The following TAFA5 variants were observed in gnomAD, a reference collection of about 807,000 sequenced individuals.
TAFA5 encodes chemokine-like protein TAFA-5.
In TAFA5, 6 loss-of-function variants were observed where a neutral mutation model predicts 15.3. That is an observed-to-expected ratio of 0.39 (90% CI 0.21 to 0.77). The LOEUF (loss-of-function observed/expected upper bound fraction) is 0.77. TAFA5 is among the 30% of genes least tolerant of loss of function. TAFA5 has a pLI of 0.41. For missense variants in TAFA5, 161 were observed against 193.1 expected, an observed-to-expected ratio of 0.83 and a Z score of 0.98; for synonymous variants, 103 against 80.7, an observed-to-expected ratio of 1.28 and a Z score of -1.48.
At chr22:48,642,705 C>T (rs1400631110) in intron 1 of TAFA5, among the ~76,000 whole-genome samples, 1 of 152,048 alleles carries the variant, frequency 6.6e-6, no homozygotes, top group Non-Finnish European at 1.5e-5. Context: ...CGTGGTCTTT[C>T]TGTGTGATAT....
At chr22:48,720,062 G>T (rs1451732915) in intron 3 of TAFA5, among the ~76,000 whole-genome samples, 1 of 152,186 alleles carries the variant, frequency 6.6e-6, no homozygotes, top group Non-Finnish European at 1.5e-5. Context: ...TCTTTGAATC[G>T]TTTTAAATAC....
At chr22:48,672,128 G>A (rs894914435) in intron 2 of TAFA5, among the ~76,000 whole-genome samples, 1 of 152,206 alleles carries the variant, frequency 6.6e-6, no homozygotes, top group Admixed American at 6.5e-5. Context: ...TTTTCATCTC[G>A]AAGTTTCCTT....
chr22:48,625,536 G>A (rs951016807), intron 1 of TAFA5, among the ~76,000 whole-genome samples: 1 of 152,180 alleles, frequency 6.6e-6, no homozygotes, highest in Admixed American at 6.5e-5. Flanking sequence ...CAGTGCTTAC[G>A]ATCAGGTCCT....
chr22:48,594,238 C>G (rs946166429), intron 1 of TAFA5, among the ~76,000 whole-genome samples: 1 of 152,278 alleles, frequency 6.6e-6, no homozygotes, highest in East Asian at 1.9e-4. Flanking sequence ...CAGCGAGGCT[C>G]GAGGACTGCA....
At chr22:48,682,483 C>T (rs1336161491) in intron 2 of TAFA5, among the ~76,000 whole-genome samples, 2 of 152,212 alleles carry the variant, frequency 1.3e-5, no homozygotes, top group Non-Finnish European at 2.9e-5. Context: ...CCCCACGTCC[C>T]ACAGGACCAG....
Position 48,543,164 on chromosome 22 carries a change from C to T in TAFA5, c.112+53460C>T, listed in dbSNP as rs531558514. 1.1e-4 allele frequency among the ~76,000 whole-genome samples: 17 copies of T among 152,112 alleles called. No homozygotes were observed. In the South Asian group the frequency reaches 3.1e-3, roughly 28 times the overall value. The stretch of plus-strand genomic sequence containing the variant: ...GCGTCTCTGAACATCTCCTGGGGAG[C>T]CGGGGGTCGTTTGTCTCCTCCAGCC... On this transcript the variant is annotated intron_variant, in intron 1 of 3. Transcript: ENST00000402357.
intron 1 of TAFA5, among the ~76,000 whole-genome samples, chr22:48,493,536 G>C (rs372679694): frequency 6.6e-6 from 1 of 152,316 alleles, no homozygotes; most frequent in African/African-American, 2.4e-5. Flanking sequence ...TGGAGTTCTC[G>C]AAGAGGTAAA....
intron 2 of TAFA5, among the ~76,000 whole-genome samples, chr22:48,682,495 C>CT (rs1928224335): frequency 6.6e-6 from 1 of 152,226 alleles, no homozygotes; most frequent in African/African-American, 2.4e-5. Flanking sequence ...CAGGACCAGG[C>CT]TGAGGCTGAA....
At chr22:48,668,307 T>C (rs1187473477) in intron 2 of TAFA5, among the ~76,000 whole-genome samples, 10 of 10,908 alleles carry the variant, frequency 9.2e-4, no homozygotes, top group Admixed American at 2.9e-3. Context: ...TCACTGGGAG[T>C]GTTAATCCCC....
At chr22:48,587,941 C>G (rs1317734783) in intron 1 of TAFA5, among the ~76,000 whole-genome samples, 1 of 152,228 alleles carries the variant, frequency 6.6e-6, no homozygotes, top group Non-Finnish European at 1.5e-5. Flanking sequence ...CTGTCTCAGT[C>G]CCCGCACTTT....
At position 48,702,662 on chromosome 22, in the gene TAFA5, G is replaced by C. The variant is rs116849736; in HGVS notation, c.263-5055G>C. 5.1e-3 allele frequency among the ~76,000 whole-genome samples: 783 copies of C among 152,296 alleles called. 8 individuals carry two copies. The highest frequency in any genetic ancestry group is 0.045 in the East Asian group (235 of 5,180). ...CCACGTTTCAGTCACCGTCACTCAC[G>C]CTACCTCAGGAAGCTCTGTCAGCCC... is the stretch of plus-strand genomic sequence containing the variant. On this transcript the variant is annotated intron_variant, in intron 2 of 3. Transcript: ENST00000402357.
chr22:48,727,686 A>C (rs1929752350), intron 3 of TAFA5, among the ~76,000 whole-genome samples: 1 of 152,248 alleles, frequency 6.6e-6, no homozygotes, highest in African/African-American at 2.4e-5. Context: ...AAAATAGCCA[A>C]ACGTGTTGTC....
At chr22:48,666,258 C>A (rs11913562) in intron 2 of TAFA5, among the ~76,000 whole-genome samples, 31,388 of 152,072 alleles carry the variant, frequency 0.21, 3,262 homozygotes, top group South Asian at 0.26. Flanking sequence ...GAAATGCCAG[C>A]TATTATCCCA....
intron 2 of TAFA5, among the ~76,000 whole-genome samples, chr22:48,703,938 T>A (rs1306577578): frequency 6.6e-6 from 1 of 152,176 alleles, no homozygotes; most frequent in East Asian, 1.9e-4. Flanking sequence ...GTTGAAGGGC[T>A]CACTTCACCT....
At chr22:48,706,304 TTCGGAACAGTGAGGACCCCGAGGAAC>T (rs1385300116) in intron 2 of TAFA5, among the ~76,000 whole-genome samples, 36 of 152,310 alleles carry the variant, frequency 2.4e-4, no homozygotes, top group East Asian at 5.8e-4. Context: ...CAAGCCTCTA[TTCGGAACAGTGAGGACCCCGAGGAAC>T]TCGGAACAGT....
At chr22:48,536,337 A>G (rs1452559679) in intron 1 of TAFA5, among the ~76,000 whole-genome samples, 1 of 152,354 alleles carries the variant, frequency 6.6e-6, no homozygotes, top group East Asian at 1.9e-4. Flanking sequence ...AAGCCGGGAA[A>G]CAAGTGGATG....
intron 3 of TAFA5, among the ~76,000 whole-genome samples, chr22:48,728,061 T>A (rs1929761856): frequency 6.6e-6 from 1 of 152,240 alleles, no homozygotes. Flanking sequence ...ATAGATCTTT[T>A]GAATACTACA....
intron 1 of TAFA5, among the ~76,000 whole-genome samples, chr22:48,528,296 G>A (rs1601849495): frequency 6.6e-6 from 1 of 152,326 alleles, no homozygotes; most frequent in African/African-American, 2.4e-5. Flanking sequence ...ACTCCAGTAG[G>A]GCCTTGGGGC....
chr22:48,575,969 G>C (rs993002682), intron 1 of TAFA5, among the ~76,000 whole-genome samples: 1 of 143,566 alleles, frequency 7.0e-6, no homozygotes, highest in African/African-American at 2.5e-5. Context: ...AAGAGGAGGA[G>C]GAGGAAGGCG....
Sources: gnomAD v4.1 joint callset for allele counts (sites outside exome capture counted in the v4.1 genomes callset) on GRCh38, gnomAD v4.1.1 for gene constraint, MANE v1.5 for transcripts, NCBI Gene and HGNC (gene_info 2026-07-23, HGNC 2026-07-21) for gene names.